Variants in CNTNAP2 observed in about 807,000 individuals in gnomAD.
CNTNAP2 encodes contactin associated protein 2.
Under a neutral mutation model 155.2 loss-of-function variants are expected in CNTNAP2, and 98 were observed. The observed-to-expected ratio is 0.63, with a 90% CI of 0.54 to 0.75. CNTNAP2 has a LOEUF of 0.75. CNTNAP2 is among the 30% of genes least tolerant of loss of function. The probability of loss-of-function intolerance (pLI) is 0.00; values close to 1 mark genes in which losing one functional copy is unlikely to be tolerated. For missense variants in CNTNAP2, 1,727 were observed against 1,688.1 expected (o/e 1.02, Z -0.40); for synonymous variants, 651 against 631.2 (o/e 1.03, Z -0.47).
chr7:147,114,343 G>C (rs1308114319), intron 5 of CNTNAP2, among the ~76,000 whole-genome samples: 1 of 152,136 alleles, frequency 6.6e-6, no homozygotes, highest in African/African-American at 2.4e-5. Flanking sequence ...ATCCAAAGCT[G>C]AGTTCAAGTC....
At chr7:148,039,149 G>A (rs959056992) in intron 15 of CNTNAP2, among the ~76,000 whole-genome samples, 2 of 152,104 alleles carry the variant, frequency 1.3e-5, no homozygotes, top group African/African-American at 2.4e-5. Context: ...TAATCTGAAG[G>A]CCTCAGAACC....
chr7:147,446,388 C>A (rs1295669616), intron 10 of CNTNAP2, among the ~76,000 whole-genome samples: 4 of 152,094 alleles, frequency 2.6e-5, no homozygotes, highest in South Asian at 2.1e-4. Context: ...CTGGGAGAGT[C>A]CTTAAGTGTA....
chr7:147,599,659 C>T (rs965704596), intron 12 of CNTNAP2, among the ~76,000 whole-genome samples: 1 of 152,066 alleles, frequency 6.6e-6, no homozygotes, highest in East Asian at 1.9e-4. Flanking sequence ...CTGGTGGTTG[C>T]AATCCTTGAG....
At chr7:147,491,423 C>T (rs1798607347) in intron 11 of CNTNAP2, among the ~76,000 whole-genome samples, 1 of 152,162 alleles carries the variant, frequency 6.6e-6, no homozygotes, top group Non-Finnish European at 1.5e-5. Context: ...AAAAGCTTTC[C>T]ATGGCCCTGT....
chr7:148,027,920 T>C (rs2116926549), intron 15 of CNTNAP2, among the ~76,000 whole-genome samples: 1 of 152,304 alleles, frequency 6.6e-6, no homozygotes, highest in East Asian at 1.9e-4. Context: ...GATTATTTTA[T>C]GTTAATTACA....
At chr7:146,726,029 C>G (rs1364442085) in intron 1 of CNTNAP2, among the ~76,000 whole-genome samples, 1 of 152,170 alleles carries the variant, frequency 6.6e-6, no homozygotes, top group East Asian at 1.9e-4. Flanking sequence ...GTCAGTTATA[C>G]TAGGCTTTCA....
At chr7:148,324,771 G>T (rs1032732664) in intron 21 of CNTNAP2, among the ~76,000 whole-genome samples, 1 of 124,142 alleles carries the variant, frequency 8.1e-6, no homozygotes, top group Non-Finnish European at 1.6e-5. Context: ...CTCCAGCTTG[G>T]GTGACAGAGT....
intron 20 of CNTNAP2, among the ~76,000 whole-genome samples, chr7:148,254,362 A>C (rs1315942447): frequency 6.6e-6 from 1 of 152,238 alleles, no homozygotes; most frequent in Non-Finnish European, 1.5e-5. Flanking sequence ...AAACGTGCTC[A>C]ACAATTCAAG....
intron 3 of CNTNAP2, among the ~76,000 whole-genome samples, chr7:147,042,879 A>G (rs888568402): frequency 1.3e-5 from 2 of 152,134 alleles, no homozygotes; most frequent in Non-Finnish European, 2.9e-5. Flanking sequence ...TGATTTTAAG[A>G]TAATTTAAAT....
intron 1 of CNTNAP2, among the ~76,000 whole-genome samples, chr7:146,558,817 A>G (rs1006619788): frequency 2.0e-5 from 3 of 152,068 alleles, no homozygotes; most frequent in African/African-American, 7.2e-5. Context: ...TCTATTAACT[A>G]CTTCAGATTC....
rs552226303 is a variant in CNTNAP2, at chr7:147,855,353, C to T, written c.2099-48212C>T. Among the ~76,000 whole-genome samples the T allele has an allele frequency of 3.3e-5, 5 of 152,278 alleles. No homozygotes were observed. The South Asian group carries it at 8.3e-4, about 25-fold the overall frequency. On this transcript the variant is annotated intron_variant, in intron 13 of 23. Coordinates refer to ENST00000361727, the MANE Select transcript of CNTNAP2 (RefSeq NM_014141.6). ...GAAGAAATCTCCCACCAAGAAGTTA[C>T]TTACATTGCCAGGTGTTTGTTTCTT...
chr7:147,547,384 C>A (rs758000653), intron 11 of CNTNAP2, among the ~76,000 whole-genome samples: 1 of 152,086 alleles, frequency 6.6e-6, no homozygotes, highest in Non-Finnish European at 1.5e-5. Context: ...ACTAATGCTG[C>A]GGTTGCTTAA....
chr7:147,497,432 C>G (rs1292715278), intron 11 of CNTNAP2, among the ~76,000 whole-genome samples: 2 of 152,186 alleles, frequency 1.3e-5, no homozygotes, highest in Admixed American at 1.3e-4. Flanking sequence ...ATACTCTCTG[C>G]CACTATCTGG....
At chr7:146,673,434 T>C (rs1800343203) in intron 1 of CNTNAP2, among the ~76,000 whole-genome samples, 1 of 152,220 alleles carries the variant, frequency 6.6e-6, no homozygotes, top group African/African-American at 2.4e-5. Context: ...GAATTAAGTT[T>C]AGCCTAAAGA....
Position 148,293,962 on chromosome 7 carries a change from G to A in CNTNAP2, c.3475+26836G>A, listed in dbSNP as rs1797236591. ...AGGCAGGAGAACCGCTTGAACCCGG[G>A]AGGCAGAGGCTGCAATAAGCCGAGA... On this transcript the variant is annotated intron_variant, in intron 21 of 23. Coordinates refer to ENST00000361727, the MANE Select transcript of CNTNAP2 (RefSeq NM_014141.6). Among the ~76,000 whole-genome samples the A allele has an allele frequency of 2.0e-5, 3 of 147,892 alleles. No individual in the cohort carries two copies. In the Admixed American group the frequency reaches 2.1e-4, roughly 10 times the overall value.
chr7:146,831,462 G>A (rs907506897), intron 2 of CNTNAP2, among the ~76,000 whole-genome samples: 2 of 151,960 alleles, frequency 1.3e-5, no homozygotes, highest in Non-Finnish European at 2.9e-5. Flanking sequence ...CGGATCATGA[G>A]GTCGAGAGAT....
At chr7:146,263,498 GCTTT>G (rs1225961382) in intron 1 of CNTNAP2, among the ~76,000 whole-genome samples, 1 of 152,092 alleles carries the variant, frequency 6.6e-6, no homozygotes, top group Non-Finnish European at 1.5e-5. Flanking sequence ...GAGTAATTCA[GCTTT>G]TTCTAACCTC....
At chr7:146,720,222 A>G (rs1030435973) in intron 1 of CNTNAP2, among the ~76,000 whole-genome samples, 1 of 152,012 alleles carries the variant, frequency 6.6e-6, no homozygotes, top group Non-Finnish European at 1.5e-5. Flanking sequence ...TGGTTTTAGT[A>G]GTTCTTATCC....
At chr7:147,196,209 A>G (rs1373049539) in intron 8 of CNTNAP2, among the ~76,000 whole-genome samples, 3 of 152,164 alleles carry the variant, frequency 2.0e-5, no homozygotes, top group Admixed American at 2.0e-4. Context: ...TCTATGGTTT[A>G]AATCACCTGC....
Sources: gnomAD v4.1 joint callset for allele counts (sites outside exome capture counted in the v4.1 genomes callset) on GRCh38, gnomAD v4.1.1 for gene constraint, MANE v1.5 for transcripts, NCBI Gene and HGNC (gene_info 2026-07-23, HGNC 2026-07-21) for gene names.